The following KIAA0825 variants were observed in gnomAD, a reference collection of about 807,000 sequenced individuals.
KIAA0825 encodes uncharacterized protein KIAA0825.
Under a neutral mutation model 147.6 loss-of-function variants are expected in KIAA0825, and 119 were observed. The observed-to-expected ratio is 0.81, with a 90% CI of 0.69 to 0.94. KIAA0825 has a LOEUF of 0.94. Ranked by LOEUF, KIAA0825 falls within the 40% of genes least tolerant of loss-of-function variation. The pLI is 0.00. For missense variants in KIAA0825, 1,381 were observed against 1,472.7 expected, an observed-to-expected ratio of 0.94 and a Z score of 1.02; for synonymous variants, 470 against 518.1, an observed-to-expected ratio of 0.91 and a Z score of 1.26.
At chr5:94,529,409 TATATGTATATATC>T (rs1187988968) in intron 3 of KIAA0825, among the ~76,000 whole-genome samples, 2 of 147,546 alleles carry the variant, frequency 1.4e-5, no homozygotes, top group African/African-American at 5.0e-5. Flanking sequence ...GTATATCTCA[TATATGTATATATC>T]ATATGTATAT....
chr5:94,520,611 A>C lies in KIAA0825; in HGVS notation c.607T>G (p.Tyr203Asp). 6.2e-7 allele frequency: 1 copy of C among 1,613,378 alleles called. No individual in the cohort carries two copies. The highest frequency in any genetic ancestry group is 2.2e-5 in the East Asian group (1 of 44,862). ...TTGATTATAACTTCTGATTCTGGAT[A>C]AAGAAACAAGAGTTGTTGTAAGCAC... ...KQCLQQLLFL[Y>D]PESEVIIKYQ... Residue 203 changes from tyrosine to aspartate, a missense_variant, in exon 5 of 21, where the codon TAT (tyrosine) becomes GAT (aspartate). Physicochemically the swap from Tyr to Asp is radical, Grantham distance 160 (BLOSUM62 -3). Transcript: ENST00000682413.
chr5:94,240,922 G>A (rs1199593245), intron 20 of KIAA0825, among the ~76,000 whole-genome samples: 2 of 152,090 alleles, frequency 1.3e-5, no homozygotes, highest in African/African-American at 4.8e-5. Flanking sequence ...CACAGGAAAG[G>A]CAGATACATT....
At chr5:94,321,942 T>C (rs1780233010) in intron 20 of KIAA0825, among the ~76,000 whole-genome samples, 1 of 151,970 alleles carries the variant, frequency 6.6e-6, no homozygotes, top group Non-Finnish European at 1.5e-5. Flanking sequence ...TATTCCCTAC[T>C]CTGAATTCCA....
chr5:94,375,198 A>AT (rs1303909664), intron 20 of KIAA0825, among the ~76,000 whole-genome samples: 1 of 151,672 alleles, frequency 6.6e-6, no homozygotes, highest in Non-Finnish European at 1.5e-5. Context: ...TGCCTGGCTA[A>AT]TTTTTTGTAT....
chr5:94,617,866 T>C (rs944703249), intron 1 of KIAA0825: 1 of 152,186 alleles, frequency 6.6e-6, no homozygotes, highest in Non-Finnish European at 1.5e-5. Context: ...ACGCAAGCAT[T>C]CCTTTCTGAA....
intron 3 of KIAA0825, among the ~76,000 whole-genome samples, chr5:94,531,416 C>T (rs892896668): frequency 9.9e-5 from 15 of 152,214 alleles, no homozygotes; most frequent in African/African-American, 3.6e-4. Context: ...CCACCTCTAC[C>T]TGCAAGCATC....
At chr5:94,212,824 G>A (rs1772835218) in intron 20 of KIAA0825, among the ~76,000 whole-genome samples, 1 of 152,194 alleles carries the variant, frequency 6.6e-6, no homozygotes, top group African/African-American at 2.4e-5. Flanking sequence ...TCACTATCTT[G>A]AGGCTGTCTG....
chr5:94,526,779 C>A (rs1769370557), intron 3 of KIAA0825, among the ~76,000 whole-genome samples: 1 of 151,770 alleles, frequency 6.6e-6, no homozygotes. Flanking sequence ...ACTAGGGAAC[C>A]CAATGTGAAT....
intron 20 of KIAA0825, among the ~76,000 whole-genome samples, chr5:94,314,391 A>C (rs958908546): frequency 6.6e-6 from 1 of 151,660 alleles, no homozygotes; most frequent in Non-Finnish European, 1.5e-5. Context: ...GAAAAGTGAG[A>C]GAATGCATGG....
intron 20 of KIAA0825, among the ~76,000 whole-genome samples, chr5:94,326,326 TC>T (rs925699260): frequency 1.3e-5 from 2 of 152,140 alleles, no homozygotes; most frequent in Non-Finnish European, 2.9e-5. Context: ...TTTGTACATC[TC>T]ATAAAATGCT....
At chr5:94,243,136 T>C (rs1185265956) in intron 20 of KIAA0825, among the ~76,000 whole-genome samples, 3 of 152,202 alleles carry the variant, frequency 2.0e-5, no homozygotes, top group Non-Finnish European at 2.9e-5. Flanking sequence ...TTGTGAGTGT[T>C]AAATCAGCTA....
chr5:94,566,815 A>T (rs1168268406), intron 2 of KIAA0825, among the ~76,000 whole-genome samples: 1 of 152,200 alleles, frequency 6.6e-6, no homozygotes, highest in Non-Finnish European at 1.5e-5. Context: ...TTGCTAGATG[A>T]AGTACATTCT....
At chr5:94,334,476 A>T (rs1416232474) in intron 20 of KIAA0825, among the ~76,000 whole-genome samples, 2 of 151,558 alleles carry the variant, frequency 1.3e-5, no homozygotes, top group African/African-American at 2.4e-5. Context: ...CCGACTTTTA[A>T]TTTTTTTAAT....
intron 20 of KIAA0825, among the ~76,000 whole-genome samples, chr5:94,364,450 C>T (rs975740253): frequency 1.8e-4 from 28 of 151,926 alleles, no homozygotes; most frequent in African/African-American, 6.3e-4. Flanking sequence ...GACACGATCT[C>T]GGCTCACTGC....
At chr5:94,414,206 A>C (rs1753126176) in intron 15 of KIAA0825, 1 of 152,216 alleles carries the variant, frequency 6.6e-6, no homozygotes, top group African/African-American at 2.4e-5. Flanking sequence ...AAGTAAGCCC[A>C]ATGCCATTAT....
At chr5:94,595,612 T>C (rs1561370916) in intron 1 of KIAA0825, among the ~76,000 whole-genome samples, 1 of 152,226 alleles carries the variant, frequency 6.6e-6, no homozygotes, top group East Asian at 1.9e-4. Context: ...CCTCGTTACT[T>C]ACGCAAATTT....
intron 3 of KIAA0825, among the ~76,000 whole-genome samples, chr5:94,532,983 T>G (rs910599141): frequency 6.7e-6 from 1 of 149,728 alleles, no homozygotes; most frequent in Non-Finnish European, 1.5e-5. Context: ...TCTGTGTCTT[T>G]TTTTTTTTTT....
chr5:94,599,727 G>C (rs1786011764), intron 1 of KIAA0825, among the ~76,000 whole-genome samples: 1 of 152,106 alleles, frequency 6.6e-6, no homozygotes, highest in South Asian at 2.1e-4. Flanking sequence ...ACAACCTATG[G>C]AATAGGAGAA....
intron 1 of KIAA0825, among the ~76,000 whole-genome samples, chr5:94,610,439 A>G (rs1410935494): frequency 2.0e-5 from 3 of 148,400 alleles, no homozygotes; most frequent in Non-Finnish European, 3.0e-5. Flanking sequence ...AAAAAAAAAA[A>G]AGAAAAAGAA....
Sources: allele counts gnomAD v4.1 joint callset (sites outside exome capture counted in the v4.1 genomes callset), GRCh38; gene constraint gnomAD v4.1.1; transcripts MANE v1.5; gene names NCBI Gene and HGNC (gene_info 2026-07-23, HGNC 2026-07-21).